ARHGAP15: variants seen among roughly 807,000 people sequenced by gnomAD.
ARHGAP15 encodes the protein Rho GTPase activating protein 15, also known as rho GTPase-activating protein 15.
ARHGAP15 carries 51 observed loss-of-function variants against 63.7 expected under a neutral mutation model. The observed-to-expected ratio is 0.80, with a 90% CI of 0.64 to 1.01. The LOEUF (loss-of-function observed/expected upper bound fraction) is 1.01. Among genes scored for constraint, ARHGAP15 ranks in the 50% least tolerant of loss-of-function variants. The probability of loss-of-function intolerance (pLI) is 0.00; values close to 1 mark genes in which losing one functional copy is unlikely to be tolerated. For missense variants in ARHGAP15, 560 were observed against 564.6 expected, an observed-to-expected ratio of 0.99 and a Z score of 0.08; for synonymous variants, 191 against 193.8, an observed-to-expected ratio of 0.99 and a Z score of 0.12.
chr2:143,452,922 ATTT>A (rs1690474019), intron 8 of ARHGAP15, among the ~76,000 whole-genome samples: 1 of 152,016 alleles, frequency 6.6e-6, no homozygotes, highest in African/African-American at 2.4e-5. Context: ...AAAGGAAATT[ATTT>A]AATTTTTACC....
chr2:143,337,283 T>G (rs1055413320), intron 6 of ARHGAP15, among the ~76,000 whole-genome samples: 1 of 151,564 alleles, frequency 6.6e-6, no homozygotes, highest in Non-Finnish European at 1.5e-5. Flanking sequence ...GCTAGGGAGG[T>G]GGGAGGAAGG....
At chr2:143,432,585 T>A (rs1176656402) in intron 6 of ARHGAP15, among the ~76,000 whole-genome samples, 3 of 152,076 alleles carry the variant, frequency 2.0e-5, no homozygotes, top group Admixed American at 2.0e-4. Flanking sequence ...GTTGAATTAA[T>A]TCCCAAAAGC....
At chr2:143,598,573 T>G (rs534939910) in intron 11 of ARHGAP15, among the ~76,000 whole-genome samples, 69 of 152,244 alleles carry the variant, frequency 4.5e-4, no homozygotes, top group African/African-American at 1.6e-3. Flanking sequence ...CCTTACCCCT[T>G]TACTATGCCT....
At chr2:143,306,183 C>T (rs1384955450) in intron 6 of ARHGAP15, among the ~76,000 whole-genome samples, 2 of 151,974 alleles carry the variant, frequency 1.3e-5, no homozygotes, top group Non-Finnish European at 2.9e-5. Flanking sequence ...GAAAATACTG[C>T]GTGACAGAAA....
intron 6 of ARHGAP15, among the ~76,000 whole-genome samples, chr2:143,402,640 C>T (rs1013499162): frequency 2.6e-5 from 4 of 151,658 alleles, no homozygotes; most frequent in Admixed American, 1.3e-4. Flanking sequence ...GCTCTGTGTG[C>T]GTTTCCCCAT....
chr2:143,673,758 GTA>G (rs70982879), intron 12 of ARHGAP15, among the ~76,000 whole-genome samples: 1,445 of 22,114 alleles, frequency 0.065, 96 homozygotes, highest in African/African-American at 0.11. Flanking sequence ...GTGTGTGTGT[GTA>G]TATATATATA....
At chr2:143,144,701 C>A (rs977039205) in intron 1 of ARHGAP15, among the ~76,000 whole-genome samples, 2 of 151,930 alleles carry the variant, frequency 1.3e-5, no homozygotes, top group African/African-American at 4.8e-5. Context: ...GCTTAGCTAC[C>A]TACTCATTTA....
At chr2:143,142,344 C>A (rs1325126185) in intron 1 of ARHGAP15, among the ~76,000 whole-genome samples, 3 of 152,040 alleles carry the variant, frequency 2.0e-5, no homozygotes, top group Non-Finnish European at 4.4e-5. Context: ...CTGACTGGAG[C>A]ATTAGATTAT....
chr2:143,196,056 G>T (rs1371663871), intron 2 of ARHGAP15, among the ~76,000 whole-genome samples: 1 of 152,066 alleles, frequency 6.6e-6, no homozygotes, highest in Non-Finnish European at 1.5e-5. Flanking sequence ...TGGAGAAAAA[G>T]ATATCTGAAA....
intron 1 of ARHGAP15, among the ~76,000 whole-genome samples, chr2:143,143,594 A>G (rs1433765712): frequency 6.9e-6 from 1 of 145,942 alleles, no homozygotes; most frequent in African/African-American, 2.5e-5. Flanking sequence ...CCCTCAGACA[A>G]TTACTTGAAC....
chr2:143,160,043 G>T (rs1180132382), intron 2 of ARHGAP15, among the ~76,000 whole-genome samples: 2 of 151,714 alleles, frequency 1.3e-5, no homozygotes, highest in African/African-American at 2.4e-5. Flanking sequence ...CAGCGCTCAG[G>T]GTAGAATTAT....
At chr2:143,577,671 A>C (rs545163236) in intron 11 of ARHGAP15, among the ~76,000 whole-genome samples, 1 of 152,222 alleles carries the variant, frequency 6.6e-6, no homozygotes, top group Admixed American at 6.5e-5. Flanking sequence ...CCTTTCCCAA[A>C]GCACCTGACT....
At chr2:143,537,665 G>A (rs989597320) in intron 10 of ARHGAP15, among the ~76,000 whole-genome samples, 6 of 152,130 alleles carry the variant, frequency 3.9e-5, no homozygotes, top group Non-Finnish European at 4.4e-5. Context: ...TTTTTGTCAG[G>A]TTTGTCAAAG....
chr2:143,767,572 T>C (rs1382283907), intron 13 of ARHGAP15, among the ~76,000 whole-genome samples: 1 of 152,228 alleles, frequency 6.6e-6, no homozygotes, highest in Non-Finnish European at 1.5e-5. Context: ...TTAATTTTTT[T>C]CAGGCTACTA....
intron 13 of ARHGAP15, among the ~76,000 whole-genome samples, chr2:143,719,293 A>G (rs183916570): frequency 6.6e-6 from 1 of 152,384 alleles, no homozygotes; most frequent in Admixed American, 6.5e-5. Context: ...AGATAAAGAA[A>G]TCACTCCAAA....
chr2:143,761,714 C>T (rs1686765087), intron 13 of ARHGAP15, among the ~76,000 whole-genome samples: 1 of 152,066 alleles, frequency 6.6e-6, no homozygotes, highest in Admixed American at 6.6e-5. Context: ...CAGCATAAGG[C>T]TTTTTTGAGA....
chr2:143,292,413 C>A (rs771327085), intron 6 of ARHGAP15, among the ~76,000 whole-genome samples: 8 of 151,904 alleles, frequency 5.3e-5, no homozygotes, highest in Non-Finnish European at 8.8e-5. Flanking sequence ...TGGTATGCCA[C>A]CCCTAATATT....
At chr2:143,445,325 G>C (rs911459509) in intron 8 of ARHGAP15, among the ~76,000 whole-genome samples, 4 of 151,540 alleles carry the variant, frequency 2.6e-5, no homozygotes, top group African/African-American at 9.7e-5. Context: ...ACCACGCCTG[G>C]CTAATTTTTG....
intron 11 of ARHGAP15, among the ~76,000 whole-genome samples, chr2:143,580,212 A>G (rs925900342): frequency 2.0e-5 from 3 of 151,908 alleles, no homozygotes; most frequent in Non-Finnish European, 4.4e-5. Context: ...AGTTGTCCCA[A>G]CAACGAGTAT....
Sources: allele counts gnomAD v4.1 joint callset (sites outside exome capture counted in the v4.1 genomes callset), GRCh38; gene constraint gnomAD v4.1.1; transcripts MANE v1.5; gene names NCBI Gene and HGNC (gene_info 2026-07-23, HGNC 2026-07-21).